TSPEAR: variants seen among roughly 807,000 people sequenced by gnomAD.
The protein encoded by TSPEAR is thrombospondin-type laminin G domain and EAR repeat-containing protein.
TSPEAR carries 69 observed loss-of-function variants against 71.6 expected under a neutral mutation model. The observed-to-expected ratio is 0.96, with a 90% confidence interval of 0.79 to 1.18. The LOEUF (loss-of-function observed/expected upper bound fraction) is 1.18. Among genes scored for constraint, TSPEAR ranks in the 50% most tolerant of loss-of-function variants. The pLI is 0.00. For synonymous variants in TSPEAR, 402 were observed against 387.2 expected (o/e 1.04, Z -0.45); for missense variants, 971 against 894.9 (o/e 1.09, Z -1.09).
chr21:44,582,028 T>C lies in TSPEAR; in HGVS notation c.83-14023A>G, dbSNP rs112626886. Among the ~76,000 whole-genome samples, 979 of 152,266 alleles carry C rather than the reference T, an allele frequency of 6.4e-3. 17 individuals carry two copies. The highest frequency in any genetic ancestry group is 0.022 in the African/African-American group (899 of 41,530). On this transcript the variant is annotated intron_variant, in intron 1 of 11. Transcript: ENST00000323084. ...TATAACTCTTTGAATATCCTTTCAG[T>C]GATTATTAGTAGAGGTTGTGCGAGA...
intron 1 of TSPEAR, chr21:44,575,366 C>T (rs940899186): frequency 1.7e-5 from 5 of 289,220 alleles, no homozygotes; most frequent in African/African-American, 6.5e-5. Flanking sequence ...ACTGCAATGG[C>T]GCTGACACCC....
chr21:44,654,648 C>T (rs12482041), intron 1 of TSPEAR: 1 of 1,420,464 alleles, frequency 7.0e-7, no homozygotes. Context: ...GCGCAGAGGA[C>T]AGGGCTGGTC....
chr21:44,693,475 C>T (rs1382794601), intron 1 of TSPEAR, among the ~76,000 whole-genome samples: 1 of 152,072 alleles, frequency 6.6e-6, no homozygotes. Context: ...GACTCAACAA[C>T]AAAAAGACAA....
chr21:44,627,096 C>T, intron 1 of TSPEAR: 1 of 1,563,962 alleles, frequency 6.4e-7, no homozygotes, highest in Non-Finnish European at 8.7e-7. Context: ...GAACCTCACA[C>T]ACTCACAAAC....
chr21:44,647,524 G>A (rs769193938), intron 1 of TSPEAR: 2 of 817,512 alleles, frequency 2.4e-6, no homozygotes, highest in Non-Finnish European at 3.8e-6. Context: ...TGTCTGGGAA[G>A]AGACAACCCA....
At chr21:44,595,738 TTATGTG>T (rs1345230304) in intron 1 of TSPEAR, among the ~76,000 whole-genome samples, 4 of 152,216 alleles carry the variant, frequency 2.6e-5, no homozygotes, top group Non-Finnish European at 5.9e-5. Flanking sequence ...CCTCATTCTA[TTATGTG>T]TATGTGTAAA....
rs587666169 is a variant in TSPEAR, at chr21:44,573,701, C to T, written c.83-5696G>A. On this transcript the variant is annotated intron_variant, in intron 1 of 11. Transcript: ENST00000323084. ...CACAAACCCGAGCACCTCACTCACT[C>T]GCTCACCCACTCCCTCCCATCTCCC... 2.6e-5 allele frequency: 41 copies of T among 1,579,230 alleles called. 1 individual carries two copies. In the Admixed American group the frequency reaches 3.6e-4, roughly 14 times the overall value.
At chr21:44,547,575 C>T (rs1377836568) in intron 2 of TSPEAR, among the ~76,000 whole-genome samples, 1 of 152,162 alleles carries the variant, frequency 6.6e-6, no homozygotes, top group Non-Finnish European at 1.5e-5. Flanking sequence ...TTGTTTATGT[C>T]AAGTTAAAAA....
chr21:44,678,549 C>T (rs1372756112), intron 1 of TSPEAR, among the ~76,000 whole-genome samples: 1 of 152,130 alleles, frequency 6.6e-6, no homozygotes, highest in African/African-American at 2.4e-5. Context: ...ATAAATTACC[C>T]AGTCTCAGGT....
At chr21:44,539,135 A>G (rs1194923599) in intron 2 of TSPEAR, 32 of 1,231,018 alleles carry the variant, frequency 2.6e-5, no homozygotes, top group Middle Eastern at 2.8e-4. Context: ...GGGGAGCTGC[A>G]AGGATGGAGG....
Position 44,623,358 on chromosome 21 carries a change from GATAGT to G in TSPEAR, c.83-55358_83-55354del. Among the ~76,000 whole-genome samples the G allele has an allele frequency of 6.6e-6, 1 of 152,240 alleles. No individual in the cohort carries two copies. The highest frequency in any genetic ancestry group is 2.4e-5 in the African/African-American group (1 of 41,536). On this transcript the variant is annotated intron_variant, in intron 1 of 11. Transcript: ENST00000323084. This position sits in a 1 kb window ranked among gnomAD's most constrained non-coding sequence, Gnocchi z 4.5. ...AAATTAGATCTTATATTATTTCCCA[GATAGT>G]ATAGTGTACTAAGACTGCTTTAACT...
chr21:44,651,552 T>C (rs1350042809), intron 1 of TSPEAR, among the ~76,000 whole-genome samples: 5 of 152,082 alleles, frequency 3.3e-5, no homozygotes, highest in African/African-American at 1.2e-4. Context: ...AGCCCTTGGT[T>C]CAGGGCTAGC....
Position 44,522,086 on chromosome 21 carries a change from T to C in TSPEAR, c.1363A>G (p.Ile455Val). ...CGGGTTGCCGGGTTCCACTTGTAGA[T>C]GACACTGTCGATGTTGTGGTTGTCG... The part of the protein sequence containing the change: ...EGDNHNIDSV[I>V]YKWNPATRLF... The change falls in exon 9 of 12, where the codon ATC (isoleucine) becomes GTC (valine). Residue 455 changes from isoleucine (I) to valine (V), a missense_variant. Coordinates refer to ENST00000323084, the MANE Select transcript of TSPEAR (RefSeq NM_144991.3). The C allele has an allele frequency of 6.2e-7, 1 of 1,614,062 alleles. No homozygotes were observed. Among genetic ancestry groups the C allele is most frequent in the Non-Finnish European group, 8.5e-7 (1 of 1,179,986 alleles).
At chr21:44,538,460 A>G (rs2053134662) in intron 2 of TSPEAR, among the ~76,000 whole-genome samples, 2 of 142,370 alleles carry the variant, frequency 1.4e-5, no homozygotes, top group South Asian at 4.7e-4. Context: ...GGGCAGCGCC[A>G]GGGTTTTGGG....
intron 5 of TSPEAR, among the ~76,000 whole-genome samples, 193 bp downstream of exon 5, chr21:44,529,605 T>C (rs2052925217): frequency 6.6e-6 from 1 of 152,116 alleles, no homozygotes; most frequent in African/African-American, 2.4e-5. Context: ...GCCTGTCTGA[T>C]GGTGCCGCCT....
At chr21:44,709,767 AGCGC>A (rs1323051899) in intron 1 of TSPEAR, among the ~76,000 whole-genome samples, 6 of 152,260 alleles carry the variant, frequency 3.9e-5, no homozygotes, top group Non-Finnish European at 5.9e-5. Context: ...CTACAGAGCG[AGCGC>A]GCGCCTGTGC....
At chr21:44,599,367 TA>T (rs1555928088) in intron 1 of TSPEAR, among the ~76,000 whole-genome samples, 4 of 152,190 alleles carry the variant, frequency 2.6e-5, no homozygotes, top group African/African-American at 4.8e-5. Context: ...GAAACACAGA[TA>T]GAGACACAGG....
At chr21:44,677,294 C>G in intron 1 of TSPEAR, 1 of 820,192 alleles carries the variant, frequency 1.2e-6, no homozygotes, top group Non-Finnish European at 2.1e-6. Context: ...ACGCACCTTG[C>G]ACTGTGTGCC....
At chr21:44,696,566 G>A (rs180811678) in intron 1 of TSPEAR, among the ~76,000 whole-genome samples, 1 of 152,134 alleles carries the variant, frequency 6.6e-6, no homozygotes, top group African/African-American at 2.4e-5. Flanking sequence ...TCACATGACT[G>A]TTTGCCGAAA....
Sources: gnomAD v4.1 joint callset for allele counts (sites outside exome capture counted in the v4.1 genomes callset) on GRCh38, gnomAD v4.1.1 for gene constraint, Gnocchi (gnomAD v3.1) non-coding constraint, MANE v1.5 for transcripts, NCBI Gene and HGNC (gene_info 2026-07-23, HGNC 2026-07-21) for gene names.